DNTTIP2: variants seen among roughly 807,000 people sequenced by gnomAD.
The protein encoded by DNTTIP2 is deoxynucleotidyltransferase terminal-interacting protein 2.
In DNTTIP2, 47 loss-of-function variants were observed where a neutral mutation model predicts 62.4. That is an observed-to-expected ratio of 0.75 (90% CI 0.60 to 0.96). The LOEUF (loss-of-function observed/expected upper bound fraction) is 0.96. Ranked by LOEUF, DNTTIP2 falls within the 40% of genes least tolerant of loss-of-function variation. The probability of loss-of-function intolerance (pLI) is 0.00; values close to 1 mark genes in which losing one functional copy is unlikely to be tolerated. For synonymous variants in DNTTIP2, 322 were observed against 300.9 expected (o/e 1.07, Z -0.73); for missense variants, 870 against 849.1 (o/e 1.02, Z -0.31).
chr1:93,871,974 G>A (rs2100883661), intron 5 of DNTTIP2, 98 bp downstream of exon 5: 1 of 1,360,352 alleles, frequency 7.4e-7, no homozygotes, highest in South Asian at 1.3e-5. Context: ...ATGCACAATG[G>A]AAATATCCTC....
At chr1:93,872,307 G>GT in intron 4 of DNTTIP2, 71 bp from the exon 5 acceptor site, 1 of 1,453,196 alleles carries the variant, frequency 6.9e-7, no homozygotes, top group Non-Finnish European at 9.3e-7. Flanking sequence ...TTCCCCTGAA[G>GT]TAACACATAC....
rs749965415 is a variant in DNTTIP2 at position 93,879,171 on chromosome 1, C to A, written c.-23G>T. 2 of 1,609,808 alleles carry A rather than the reference C, an allele frequency of 1.2e-6. No individual in the cohort carries two copies. Among genetic ancestry groups the A allele is most frequent in the African/African-American group, 1.3e-5 (1 of 74,842 alleles). On this transcript the variant is annotated 5_prime_UTR_variant, in exon 1 of 7. Coordinates refer to ENST00000436063, the MANE Select transcript of DNTTIP2 (RefSeq NM_014597.5). Reference sequence around the variant, plus strand: ...CATCTTTCCGGCTCCCTCGCGACCACCACGACTTCCCTCTTCCCTGGCGCT... The same window carrying A: ...CATCTTTCCGGCTCCCTCGCGACCAACACGACTTCCCTCTTCCCTGGCGCT...
At position 93,876,521 on chromosome 1, in the gene DNTTIP2, T is replaced by A; in HGVS notation, c.1414A>T (p.Arg472Trp). 1 of 1,614,002 alleles carries A rather than the reference T, an allele frequency of 6.2e-7. No homozygotes were observed. Among genetic ancestry groups the A allele is most frequent in the Non-Finnish European group, 8.5e-7 (1 of 1,179,884 alleles). The change falls in exon 2 of 7, where the codon AGG becomes TGG. Residue 472 changes from arginine to tryptophan, a missense_variant. Physicochemically the swap from Arg to Trp is moderately radical, Grantham distance 101 (BLOSUM62 -3). Coordinates refer to ENST00000436063, the MANE Select transcript of DNTTIP2 (RefSeq NM_014597.5). The stretch of plus-strand genomic sequence containing the variant: ...CCTGTGTCTCCACTTAATGACTCCC[T>A]TTGGCCACTATTTTCAACAAAACAT... ...TLCFVENSGQRESLSGDTGSL... is the reference protein window; with the variant it reads ...TLCFVENSGQWESLSGDTGSL...
Position 93,872,230 on chromosome 1 carries a change from G to A in DNTTIP2, c.1909C>T (p.Arg637Ter), listed in dbSNP as rs780751546. ...CAGCCATCCCCTGCTGTTTTTTGTCGTTCTTTCTGAAATTATGATTTCAAA... is the reference window on the plus strand; with the variant it reads ...CAGCCATCCCCTGCTGTTTTTTGTCATTCTTTCTGAAATTATGATTTCAAA... The part of the protein sequence containing the change: ...YQLQKKRRKE[R>*]QKTAGDGWFG... Residue 637 changes from arginine (R) to a stop codon, truncating the protein, a stop_gained, in exon 5 of 7, where the codon CGA (arginine) becomes TGA (stop). Transcript: ENST00000436063. LOFTEE classifies it high-confidence loss of function. 1.8e-5 allele frequency: 29 copies of A among 1,612,238 alleles called. No homozygotes were observed. The Admixed American group carries it at 1.8e-4, about 10-fold the overall frequency.
At chr1:93,878,979 C>G (rs531153665) in intron 1 of DNTTIP2, 98 bp downstream of exon 1, 1 of 1,467,624 alleles carries the variant, frequency 6.8e-7, no homozygotes, top group South Asian at 1.3e-5. Context: ...TCCTCTCTGT[C>G]GGCAGGTCCT....
At position 93,876,708 on chromosome 1, in the gene DNTTIP2, A is replaced by G; in HGVS notation, c.1227T>C (p.Ser409=). The G allele has an allele frequency of 6.2e-7, 1 of 1,614,018 alleles. No homozygotes were observed. Among genetic ancestry groups the G allele is most frequent in the Non-Finnish European group, 8.5e-7 (1 of 1,179,886 alleles). Residue 409 remains serine (S), a synonymous_variant, in exon 2 of 7, where the codon AGT becomes AGC. Transcript: ENST00000436063. ...CATTCCCTTCACTGTTCATGTCTTC[A>G]CTGACACTTATAACTGTGGACTCTT... is the stretch of plus-strand genomic sequence containing the variant. ...DEEESTVISV[S]EDMNSEGNVD...
Position 93,872,303 on chromosome 1 carries a change from T to C in DNTTIP2, c.1903-67A>G, listed in dbSNP as rs116444496. 5 of 1,486,922 alleles carry C rather than the reference T, an allele frequency of 3.4e-6. No individual in the cohort carries two copies. The Admixed American group carries it at 6.2e-5, about 19-fold the overall frequency. 92.1% of individuals were successfully genotyped at this position (1,486,922 alleles called of 1,614,324 possible). A position where few individuals can be genotyped will look rare whatever the true frequency, so the allele number is the denominator to read the frequency against. ...AGTATACATTATAATTCATTTCCCCTGAAGTAACACATACAGAAAATTTTG... is the reference window on the plus strand; with the variant it reads ...AGTATACATTATAATTCATTTCCCCCGAAGTAACACATACAGAAAATTTTG... On this transcript the variant is annotated intron_variant, in intron 4 of 6. Transcript: ENST00000436063.
At chr1:93,878,970 C>G in intron 1 of DNTTIP2, 107 bp downstream of exon 1, 1 of 1,421,676 alleles carries the variant, frequency 7.0e-7, no homozygotes, top group South Asian at 1.4e-5. Flanking sequence ...AAGCTCGGGT[C>G]CTCTCTGTCG....
chr1:93,875,865 A>C, intron 2 of DNTTIP2, 82 bp from the exon 3 acceptor site: 1 of 1,392,496 alleles, frequency 7.2e-7, no homozygotes, highest in Non-Finnish European at 9.7e-7. Flanking sequence ...AAAATCACTT[A>C]TTCTTCTCTT....
chr1:93,875,907 G>A, intron 2 of DNTTIP2, 124 bp from the exon 3 acceptor site: 4 of 955,978 alleles, frequency 4.2e-6, no homozygotes, highest in Non-Finnish European at 3.0e-6. Context: ...AGAAAAAAAA[G>A]CATCTTATTT....
At chr1:93,870,942 C>CAAA (rs57384286) in intron 5 of DNTTIP2, 150 bp from the exon 6 acceptor site, 29 of 365,334 alleles carry the variant, frequency 7.9e-5, no homozygotes, top group South Asian at 1.7e-4. Flanking sequence ...TTATTTAAAG[C>CAAA]AAAAAAAAAA....
At position 93,868,745 on chromosome 1, in the gene DNTTIP2, C is replaced by G. The variant is rs1185498203; in HGVS notation, c.*1106G>C. 1 of 152,046 alleles carries G rather than the reference C, an allele frequency of 6.6e-6. No homozygotes were observed. The highest frequency in any genetic ancestry group is 1.5e-5 in the Non-Finnish European group (1 of 68,008). 9.4% of individuals were successfully genotyped at this position (152,046 alleles called of 1,614,324 possible). On this transcript the variant is annotated 3_prime_UTR_variant, in exon 7 of 7. Coordinates refer to ENST00000436063, the MANE Select transcript of DNTTIP2 (RefSeq NM_014597.5). ...CATCTCAGCAAGAACAGAAAACTAA[C>G]ACAAGAACAGAAAACCAAACACTGC... is the stretch of plus-strand genomic sequence containing the variant.
intron 4 of DNTTIP2, 89 bp downstream of exon 4, chr1:93,873,030 G>T: frequency 1.1e-6 from 1 of 889,234 alleles, no homozygotes; most frequent in Non-Finnish European, 1.8e-6. Flanking sequence ...TAGACCAACA[G>T]ATACAGTTTA....
chr1:93,878,874 A>G, intron 1 of DNTTIP2: 2 of 608,258 alleles, frequency 3.3e-6, no homozygotes, highest in South Asian at 4.3e-5. Context: ...CTTCCATACT[A>G]AAAATTGCCT....
chr1:93,868,723 CT>C lies in DNTTIP2; in HGVS notation c.*1127del, dbSNP rs1655777974. On this transcript the variant is annotated 3_prime_UTR_variant, in exon 7 of 7. Coordinates refer to ENST00000436063, the MANE Select transcript of DNTTIP2 (RefSeq NM_014597.5). The stretch of plus-strand genomic sequence containing the variant: ...GGACATGGCTGAAGCTGGAAATCAT[CT>C]CAGCAAGAACAGAAAACTAACACAA... The C allele has an allele frequency of 6.6e-6, 1 of 152,154 alleles. No individual in the cohort carries two copies. 9.4% of individuals were successfully genotyped at this position (152,154 alleles called of 1,614,324 possible).
intron 6 of DNTTIP2, among the ~76,000 whole-genome samples, 200 bp downstream of exon 6, chr1:93,870,483 G>A (rs747190316): frequency 6.6e-6 from 1 of 152,108 alleles, no homozygotes; most frequent in Non-Finnish European, 1.5e-5. Flanking sequence ...ATCTGCAGAA[G>A]CAGGTATGAG....
chr1:93,879,198 CG>C lies in DNTTIP2; in HGVS notation c.-51del. ...ACGACTTCCCTCTTCCCTGGCGCTC[CG>C]GAAATGCGTCAGAGAACTGCCTCGA... On this transcript the variant is annotated 5_prime_UTR_variant, in exon 1 of 7. Coordinates refer to ENST00000436063, the MANE Select transcript of DNTTIP2 (RefSeq NM_014597.5). 1.3e-6 allele frequency: 2 copies of C among 1,599,918 alleles called. No homozygotes were observed. The highest frequency in any genetic ancestry group is 8.5e-7 in the Non-Finnish European group (1 of 1,175,880).
intron 3 of DNTTIP2, among the ~76,000 whole-genome samples, chr1:93,873,604 C>G (rs1053786289): frequency 1.4e-5 from 2 of 146,464 alleles, no homozygotes; most frequent in East Asian, 2.0e-4. Context: ...CTGTCTCCCC[C>G]CAAACCCAGC....
Position 93,870,747 on chromosome 1 carries a change from T to C in DNTTIP2, c.2113A>G (p.Ile705Val), listed in dbSNP as rs1294039609. 3 of 1,573,522 alleles carry C rather than the reference T, an allele frequency of 1.9e-6. No individual in the cohort carries two copies. In the Admixed American group the frequency reaches 5.4e-5, roughly 28 times the overall value. Residue 705 changes from isoleucine (I) to valine (V), a missense_variant, in exon 6 of 7, where the codon ATT becomes GTT. Transcript: ENST00000436063. Reference protein sequence around the residue: ...DNPADFYHSRIPKKQRKRTIV... With the variant: ...DNPADFYHSRVPKKQRKRTIV... ...GTTCTTTTCCTTTGCTTCTTGGGAA[T>C]TCGTGAATGGTAGAAATCAGCTGGA...
Sources: gnomAD v4.1 joint callset for allele counts (sites outside exome capture counted in the v4.1 genomes callset) on GRCh38, gnomAD v4.1.1 for gene constraint, MANE v1.5 for transcripts, NCBI Gene and HGNC (gene_info 2026-07-23, HGNC 2026-07-21) for gene names.